Variants in ANO3 observed in about 807,000 individuals in gnomAD.
ANO3 encodes the protein anoctamin-3.
A neutral mutation model predicts 144.8 loss-of-function variants in ANO3; 99 were observed. The ratio of observed to expected loss-of-function variants is 0.68; its 90% CI spans 0.58 to 0.81. The LOEUF is 0.81. Among genes scored for constraint, ANO3 ranks in the 30% least tolerant of loss-of-function variants. The pLI, the probability that ANO3 is intolerant of heterozygous loss-of-function variation, is 0.00. For synonymous variants in ANO3, 414 were observed against 392.6 expected (o/e 1.05, Z -0.64); for missense variants, 905 against 1,202.2 (o/e 0.75, Z 3.66).
In ANO3 at chr11:26,588,730, AC is replaced by A. The variant is rs1379370756; in HGVS notation, c.1448-9633del. Among the ~76,000 whole-genome samples the A allele has an allele frequency of 3.4e-5, 5 of 147,780 alleles. No homozygotes were observed. In the South Asian group the frequency reaches 6.6e-4, roughly 19 times the overall value. Reference sequence around the variant, plus strand: ...TAAATGTTGTACACTACATTAAAAAACCTTAAGTCCCAGCCTAGGAATCACT... The same window carrying A: ...TAAATGTTGTACACTACATTAAAAAACTTAAGTCCCAGCCTAGGAATCACT... On this transcript the variant is annotated intron_variant, in intron 14 of 26. Coordinates refer to ENST00000256737, the MANE Select transcript of ANO3 (RefSeq NM_031418.4).
chr11:26,264,666 C>T (rs185206377), intron 1 of ANO3, among the ~76,000 whole-genome samples: 70 of 152,210 alleles, frequency 4.6e-4, no homozygotes, highest in African/African-American at 1.7e-3. Context: ...ACTAGAAGTT[C>T]AAGATCATGG....
At chr11:26,384,917 A>C (rs1856684275) in intron 1 of ANO3, among the ~76,000 whole-genome samples, 1 of 152,102 alleles carries the variant, frequency 6.6e-6, no homozygotes, top group Non-Finnish European at 1.5e-5. Flanking sequence ...TGGCAATTCT[A>C]CCTTGTCTAA....
intron 1 of ANO3, among the ~76,000 whole-genome samples, chr11:26,259,959 A>C (rs1355162312): frequency 6.6e-6 from 1 of 152,046 alleles, no homozygotes; most frequent in Non-Finnish European, 1.5e-5. Flanking sequence ...CCACAGTAAA[A>C]GGACCTCACC....
At chr11:26,309,758 C>A in intron 1 of ANO3, 5 of 946,736 alleles carry the variant, frequency 5.3e-6, no homozygotes, top group Non-Finnish European at 5.0e-6. Flanking sequence ...CTCCCACCAA[C>A]TCTGTTCTTC....
At position 26,391,275 on chromosome 11, in the gene ANO3, A is replaced by G. The variant is rs370490575; in HGVS notation, c.47-50643A>G. On this transcript the variant is annotated intron_variant, in intron 1 of 26. Transcript: ENST00000256737. ...AGAGACAGACAGCCTGGCTTTTATA[A>G]CAGACCCACTCTCATGATGATTAAC... 1.1e-4 allele frequency among the ~76,000 whole-genome samples: 16 copies of G among 152,146 alleles called. 1 individual carries two copies. The highest frequency in any genetic ancestry group is 3.9e-4 in the African/African-American group (16 of 41,548).
chr11:26,462,987 A>G (rs1392944630), intron 3 of ANO3, 43 bp from the exon 4 acceptor site: 2 of 1,082,742 alleles, frequency 1.8e-6, no homozygotes, highest in Non-Finnish European at 2.6e-6. Context: ...AAAAAAGAGA[A>G]AAACTATAGA....
At chr11:26,443,003 A>G (rs1858576004) in intron 2 of ANO3, among the ~76,000 whole-genome samples, 1 of 151,996 alleles carries the variant, frequency 6.6e-6, no homozygotes, top group Non-Finnish European at 1.5e-5. Flanking sequence ...TGACCTTGTG[A>G]TCCACCTGCC....
chr11:26,658,482 T>C (rs1233041609), intron 26 of ANO3, among the ~76,000 whole-genome samples: 3 of 71,180 alleles, frequency 4.2e-5, no homozygotes, highest in African/African-American at 1.1e-4. Flanking sequence ...CAGTGGCGCA[T>C]GCCTGTAATC....
At chr11:26,632,221 TGACTGTCATA>T (rs1368668299) in intron 18 of ANO3, among the ~76,000 whole-genome samples, 3 of 146,934 alleles carry the variant, frequency 2.0e-5, no homozygotes, top group African/African-American at 7.6e-5. Flanking sequence ...ACACAGTGTT[TGACTGTCATA>T]TCTGACATCC....
intron 1 of ANO3, among the ~76,000 whole-genome samples, chr11:26,257,094 A>T (rs777880452): frequency 6.6e-6 from 1 of 152,058 alleles, no homozygotes; most frequent in Non-Finnish European, 1.5e-5. Flanking sequence ...TGAAGGAATC[A>T]TCAAAATCTA....
At chr11:26,316,068 T>A (rs1163489791) in intron 1 of ANO3, among the ~76,000 whole-genome samples, 2 of 152,194 alleles carry the variant, frequency 1.3e-5, no homozygotes, top group African/African-American at 4.8e-5. Flanking sequence ...AAATGAGGTA[T>A]GTGTTTGTGG....
intron 20 of ANO3, among the ~76,000 whole-genome samples, chr11:26,637,399 A>G (rs920276875): frequency 7.9e-5 from 12 of 152,296 alleles, no homozygotes; most frequent in African/African-American, 2.6e-4. Flanking sequence ...TTAGTATAAT[A>G]TAAAAGAGCA....
intron 4 of ANO3, among the ~76,000 whole-genome samples, chr11:26,485,392 C>T (rs991786853): frequency 6.6e-6 from 1 of 152,010 alleles, no homozygotes; most frequent in Admixed American, 6.6e-5. Flanking sequence ...GGGGCACCTT[C>T]CTATTTGCTC....
intron 10 of ANO3, 136 bp downstream of exon 10, chr11:26,537,597 C>T (rs1849543847): frequency 1.3e-6 from 1 of 754,846 alleles, no homozygotes; most frequent in African/African-American, 1.7e-5. Flanking sequence ...CTTCTGTCTC[C>T]CCATTGTAAT....
intron 4 of ANO3, among the ~76,000 whole-genome samples, chr11:26,500,471 C>T (rs559441796): frequency 6.6e-6 from 1 of 151,946 alleles, no homozygotes; most frequent in African/African-American, 2.4e-5. Context: ...TATTTTTTGT[C>T]TTTTTCATTA....
chr11:26,279,867 G>A (rs933465632), intron 1 of ANO3, among the ~76,000 whole-genome samples: 1 of 152,168 alleles, frequency 6.6e-6, no homozygotes, highest in Non-Finnish European at 1.5e-5. Context: ...AGTAGAATAA[G>A]TCAAAATACC....
chr11:26,479,180 A>G (rs1860103506), intron 4 of ANO3, among the ~76,000 whole-genome samples: 2 of 152,210 alleles, frequency 1.3e-5, no homozygotes, highest in Admixed American at 6.5e-5. Flanking sequence ...TCAGAGGTAG[A>G]GAGCTGAATA....
chr11:26,599,155 G>T (rs1322334722), intron 16 of ANO3, among the ~76,000 whole-genome samples, 157 bp downstream of exon 16: 1 of 152,126 alleles, frequency 6.6e-6, no homozygotes, highest in Non-Finnish European at 1.5e-5. Flanking sequence ...ATCACAACAG[G>T]TTATGGAGAT....
At chr11:26,441,485 G>A (rs984119047) in intron 1 of ANO3, among the ~76,000 whole-genome samples, 4 of 152,080 alleles carry the variant, frequency 2.6e-5, no homozygotes, top group African/African-American at 9.7e-5. Context: ...AGGACATTAT[G>A]TATGTGTTTA....
Sources: gnomAD v4.1 joint callset for allele counts (sites outside exome capture counted in the v4.1 genomes callset) on GRCh38, gnomAD v4.1.1 for gene constraint, MANE v1.5 for transcripts, NCBI Gene and HGNC (gene_info 2026-07-23, HGNC 2026-07-21) for gene names.